ELL2: variants seen among roughly 807,000 people sequenced by gnomAD.
ELL2 encodes the protein elongation factor for RNA polymerase II 2, also known as RNA polymerase II elongation factor ELL2.
In ELL2, 21 loss-of-function variants were observed where a neutral mutation model predicts 72.8. The observed-to-expected ratio is 0.29, with a 90% confidence interval of 0.20 to 0.42. The LOEUF (loss-of-function observed/expected upper bound fraction) is 0.42, where lower values mean the gene tolerates loss of function less well. Among genes scored for constraint, ELL2 ranks in the 10% least tolerant of loss-of-function variants. The pLI is 1.00. For synonymous variants in ELL2, 266 were observed against 283.2 expected (o/e 0.94, Z 0.61); for missense variants, 568 against 772.8 (o/e 0.73, Z 3.14).
At chr5:95,942,725 C>T (rs777494516) in intron 2 of ELL2, among the ~76,000 whole-genome samples, 13 of 151,944 alleles carry the variant, frequency 8.6e-5, no homozygotes, top group East Asian at 1.9e-4. Context: ...CCTTGATGTA[C>T]GTTATACTTC....
chr5:95,931,554 C>T (rs1242766143), intron 2 of ELL2, among the ~76,000 whole-genome samples: 1 of 151,972 alleles, frequency 6.6e-6, no homozygotes, highest in Non-Finnish European at 1.5e-5. Context: ...TAAGGGGCTA[C>T]AAGTCTTCTG....
intron 3 of ELL2, among the ~76,000 whole-genome samples, chr5:95,917,764 A>G (rs963081993): frequency 6.6e-5 from 10 of 152,130 alleles, no homozygotes; most frequent in Admixed American, 2.0e-4. Context: ...CTTTCCAAAC[A>G]AGGAAGGTAG....
intron 2 of ELL2, among the ~76,000 whole-genome samples, chr5:95,935,487 G>C (rs2112338105): frequency 6.6e-6 from 1 of 152,000 alleles, no homozygotes; most frequent in Middle Eastern, 3.4e-3. Flanking sequence ...CTTTAAATAG[G>C]GCTTCACATC....
intron 2 of ELL2, among the ~76,000 whole-genome samples, chr5:95,940,869 C>T (rs965900287): frequency 1.3e-5 from 2 of 152,054 alleles, no homozygotes; most frequent in Non-Finnish European, 2.9e-5. Context: ...ACATCGGTGG[C>T]CCTGCGTCTT....
At chr5:95,954,597 T>C (rs868292852) in intron 1 of ELL2, among the ~76,000 whole-genome samples, 996 of 98,114 alleles carry the variant, frequency 0.01, 6 homozygotes, top group African/African-American at 0.036. Flanking sequence ...TTTTTTTTTC[T>C]TTTTTTTTTT....
chr5:95,924,991 G>A lies in ELL2; in HGVS notation c.196-5446C>T, dbSNP rs546020797. 1.5e-4 allele frequency among the ~76,000 whole-genome samples: 23 copies of A among 152,304 alleles called. No individual in the cohort carries two copies. In the East Asian group the frequency reaches 4.4e-3, roughly 29 times the overall value. On this transcript the variant is annotated intron_variant, in intron 2 of 11. Transcript: ENST00000237853. Reference sequence around the variant, plus strand: ...TGCTGCAACTTTCTCATATGTGAATGCTAACATCTGCTGAAAAGCTGTTGG... The same window carrying A: ...TGCTGCAACTTTCTCATATGTGAATACTAACATCTGCTGAAAAGCTGTTGG...
intron 10 of ELL2, 194 bp downstream of exon 10, chr5:95,890,909 G>A (rs955159588): frequency 1.1e-5 from 7 of 639,860 alleles, no homozygotes; most frequent in Non-Finnish European, 1.9e-5. Context: ...TTTTCCACTG[G>A]TAGAAATACA....
chr5:95,921,147 G>C (rs1437435193), intron 2 of ELL2, among the ~76,000 whole-genome samples: 2 of 152,184 alleles, frequency 1.3e-5, no homozygotes, highest in Non-Finnish European at 1.5e-5. Flanking sequence ...AAGAAAAAAA[G>C]GTAAGAAGGG....
chr5:95,949,345 C>A (rs1374120177), intron 1 of ELL2, among the ~76,000 whole-genome samples: 1 of 152,030 alleles, frequency 6.6e-6, no homozygotes, highest in Non-Finnish European at 1.5e-5. Flanking sequence ...ATATTGCTTA[C>A]CCATGTAAAC....
chr5:95,898,498 C>T lies in ELL2; in HGVS notation c.1267G>A (p.Glu423Lys), dbSNP rs1402238118. 6.2e-6 allele frequency: 10 copies of T among 1,614,102 alleles called. No homozygotes were observed. The highest frequency in any genetic ancestry group is 6.8e-6 in the Non-Finnish European group (8 of 1,180,026). The part of the protein sequence containing the change: ...DSFSQNDSIY[E>K]DQQDKYTSRT... ...GAGGTATATTTGTCTTGCTGGTCCT[C>T]ATAGATACTATCGTTTTGACTAAAA... The change falls in exon 8 of 12, where the codon GAG becomes AAG. Residue 423 changes from glutamate (E) to lysine (K), a missense_variant. By Grantham distance (56) the Glu-to-Lys change is moderately conservative. Around this residue, in one of 2 missense-constraint regions of ELL2, gnomAD observed 511 missense variants for 728.4 expected, o/e 0.70. Coordinates refer to ENST00000237853, the MANE Select transcript of ELL2 (RefSeq NM_012081.6).
intron 9 of ELL2, 79 bp from the exon 10 acceptor site, chr5:95,891,353 T>C (rs1580475664): frequency 1.4e-6 from 2 of 1,423,432 alleles, no homozygotes; most frequent in Admixed American, 2.2e-5. Context: ...ACCAAATATT[T>C]AGAGATTAGA....
intron 2 of ELL2, 88 bp from the exon 3 acceptor site, chr5:95,919,633 A>G: frequency 6.9e-7 from 1 of 1,453,014 alleles, no homozygotes; most frequent in Non-Finnish European, 9.1e-7. Context: ...TTTTCTAGTG[A>G]AAATCATTTT....
At chr5:95,900,436 A>G in intron 7 of ELL2, 1 of 285,826 alleles carries the variant, frequency 3.5e-6, no homozygotes, top group Non-Finnish European at 6.4e-6. Flanking sequence ...ATAATCTTAC[A>G]ACAAAATGTA....
Position 95,886,995 on chromosome 5 carries a change from A to C in ELL2, c.*1876T>G, listed in dbSNP as rs1748486624. On this transcript the variant is annotated 3_prime_UTR_variant, in exon 12 of 12. Transcript: ENST00000237853. ...CCACTCAGGAGACTCTATCATAATAATATGATGCCTGAATTTATCCCCAAT... is the reference window on the plus strand; with the variant it reads ...CCACTCAGGAGACTCTATCATAATACTATGATGCCTGAATTTATCCCCAAT... The C allele has an allele frequency of 6.6e-6, 1 of 152,212 alleles. No individual in the cohort carries two copies. Among genetic ancestry groups the C allele is most frequent in the Non-Finnish European group, 1.5e-5 (1 of 68,020 alleles). 9.4% of individuals were successfully genotyped at this position (152,212 alleles called of 1,614,324 possible). A position where few individuals can be genotyped will look rare whatever the true frequency, so the allele number is the denominator to read the frequency against.
chr5:95,891,009 C>G (rs1463389226), intron 10 of ELL2, 94 bp downstream of exon 10: 2 of 1,493,420 alleles, frequency 1.3e-6, no homozygotes, highest in Non-Finnish European at 1.9e-6. Flanking sequence ...AGTACTTACT[C>G]TAAAGGCCAC....
At chr5:95,926,365 C>T (rs1561503502) in intron 2 of ELL2, among the ~76,000 whole-genome samples, 1 of 151,960 alleles carries the variant, frequency 6.6e-6, no homozygotes, top group African/African-American at 2.4e-5. Context: ...ATATTAGAGC[C>T]GTCTGAAATT....
intron 2 of ELL2, among the ~76,000 whole-genome samples, chr5:95,930,518 G>C (rs1294279127): frequency 1.3e-5 from 2 of 152,202 alleles, no homozygotes; most frequent in African/African-American, 4.8e-5. Flanking sequence ...AGTTAAGTCT[G>C]CAGAATATTT....
intron 4 of ELL2, among the ~76,000 whole-genome samples, chr5:95,910,027 C>T (rs949563565): frequency 6.6e-6 from 1 of 152,140 alleles, no homozygotes; most frequent in Non-Finnish European, 1.5e-5. Context: ...CTACATAATC[C>T]ATTGCAAGGG....
chr5:95,958,752 A>G (rs1357610837), intron 1 of ELL2, among the ~76,000 whole-genome samples: 3 of 152,196 alleles, frequency 2.0e-5, no homozygotes, highest in African/African-American at 7.2e-5. Context: ...TAAGGTAGAG[A>G]GATCTGGGAA....
Sources: allele counts gnomAD v4.1 joint callset (sites outside exome capture counted in the v4.1 genomes callset), GRCh38; gene constraint gnomAD v4.1.1; regional missense constraint gnomAD v4.1.1; transcripts MANE v1.5; gene names NCBI Gene and HGNC (gene_info 2026-07-23, HGNC 2026-07-21).